ZNF804B: variants seen among roughly 807,000 people sequenced by gnomAD.
ZNF804B encodes zinc finger protein 804B, also known as zinc finger 804B.
In ZNF804B, 80 loss-of-function variants were observed where a neutral mutation model predicts 101.4. That is an observed-to-expected ratio of 0.79 (90% CI 0.66 to 0.95). ZNF804B has a LOEUF of 0.95. ZNF804B is among the 40% of genes least tolerant of loss of function. ZNF804B has a pLI of 0.00. For missense variants in ZNF804B, 1,673 were observed against 1,561.9 expected (o/e 1.07, Z -1.20); for synonymous variants, 622 against 558.8 (o/e 1.11, Z -1.59).
At chr7:89,229,108 C>T (rs573894814) in intron 2 of ZNF804B, among the ~76,000 whole-genome samples, 44 of 152,334 alleles carry the variant, frequency 2.9e-4, no homozygotes, top group African/African-American at 1.1e-3. Context: ...CCGCGCCTCT[C>T]CCTCCACACC....
At chr7:89,247,567 A>T (rs955106393) in intron 2 of ZNF804B, among the ~76,000 whole-genome samples, 1 of 152,292 alleles carries the variant, frequency 6.6e-6, no homozygotes, top group African/African-American at 2.4e-5. Flanking sequence ...GGAAATAAAA[A>T]AATAATAATA....
chr7:89,296,217 C>G (rs532965325), intron 2 of ZNF804B, among the ~76,000 whole-genome samples: 1 of 151,974 alleles, frequency 6.6e-6, no homozygotes, highest in Admixed American at 6.5e-5. Context: ...ACTAAACTTC[C>G]TTGTTAAATA....
chr7:89,094,225 T>G (rs1789937574), intron 1 of ZNF804B, among the ~76,000 whole-genome samples: 1 of 152,248 alleles, frequency 6.6e-6, no homozygotes. Flanking sequence ...ACAAAGATTT[T>G]ACTTTGTTGA....
intron 1 of ZNF804B, chr7:88,794,741 A>T (rs1790449539): frequency 6.2e-7 from 1 of 1,613,542 alleles, no homozygotes; most frequent in Admixed American, 1.7e-5. Context: ...TGTTCATAGT[A>T]GTCAGCAACA....
At chr7:89,170,673 T>C (rs113887456) in intron 1 of ZNF804B, among the ~76,000 whole-genome samples, 461 of 152,264 alleles carry the variant, frequency 3.0e-3, no homozygotes, top group Non-Finnish European at 5.5e-3. Context: ...GTTTATTTGG[T>C]TTTCCCTGAG....
At chr7:89,028,155 A>AAT (rs1271063012) in intron 1 of ZNF804B, among the ~76,000 whole-genome samples, 1 of 152,170 alleles carries the variant, frequency 6.6e-6, no homozygotes, top group Non-Finnish European at 1.5e-5. Context: ...ATATTTTTAA[A>AAT]ATGTCAATAT....
At position 89,336,483 on chromosome 7, in the gene ZNF804B, G is replaced by C; in HGVS notation, c.3501G>C (p.Gln1167His). ...AGATCCTACAGCTACAAGCCCAGCA[G>C]CATATGCAGAAGCAACTCCTATCAA... ...KYKILQLQAQ[Q>H]HMQKQLLSKH... The change falls in exon 4 of 4, where the codon CAG (glutamine) becomes CAC (histidine). Residue 1167 changes from glutamine (Q) to histidine (H), a missense_variant. Transcript: ENST00000333190. 1.9e-6 allele frequency: 3 copies of C among 1,614,082 alleles called. No individual in the cohort carries two copies. The highest frequency in any genetic ancestry group is 2.5e-6 in the Non-Finnish European group (3 of 1,180,020).
At chr7:89,323,695 A>G (rs1790852679) in intron 2 of ZNF804B, among the ~76,000 whole-genome samples, 1 of 152,140 alleles carries the variant, frequency 6.6e-6, no homozygotes, top group Admixed American at 6.6e-5. Context: ...CTGTAAGGTA[A>G]TAAAGCAGAT....
chr7:89,241,813 T>C (rs1320867676), intron 2 of ZNF804B, among the ~76,000 whole-genome samples: 1 of 151,964 alleles, frequency 6.6e-6, no homozygotes, highest in Non-Finnish European at 1.5e-5. Flanking sequence ...TTTTTTTTTT[T>C]TTCTGCAGTC....
chr7:89,000,170 C>T lies in ZNF804B; in HGVS notation c.109-217985C>T, dbSNP rs934898834. ...TAAATATCCTTTAACTGGTTCTGTC[C>T]TAATTCAAAGTATTTTCATGTACTG... On this transcript the variant is annotated intron_variant, in intron 1 of 3. Transcript: ENST00000333190. Among the ~76,000 whole-genome samples the T allele has an allele frequency of 2.6e-4, 40 of 151,996 alleles. 1 individual carries two copies. The highest frequency in any genetic ancestry group is 9.4e-4 in the African/African-American group (39 of 41,512).
At chr7:89,000,418 G>C (rs192977678) in intron 1 of ZNF804B, among the ~76,000 whole-genome samples, 1 of 151,858 alleles carries the variant, frequency 6.6e-6, no homozygotes, top group African/African-American at 2.4e-5. Flanking sequence ...AGTACATCAG[G>C]TGTTTACTTA....
intron 1 of ZNF804B, among the ~76,000 whole-genome samples, chr7:88,860,743 A>G (rs1342086676): frequency 6.6e-6 from 1 of 152,170 alleles, no homozygotes; most frequent in Non-Finnish European, 1.5e-5. Context: ...GAAAAAAGTT[A>G]GGCACTACAT....
chr7:89,061,868 C>T (rs926916786), intron 1 of ZNF804B, among the ~76,000 whole-genome samples: 1 of 152,086 alleles, frequency 6.6e-6, no homozygotes, highest in Non-Finnish European at 1.5e-5. Context: ...TTAACTTTAT[C>T]TTCTCGTCTC....
At chr7:89,000,684 A>G (rs1246820416) in intron 1 of ZNF804B, among the ~76,000 whole-genome samples, 2 of 151,664 alleles carry the variant, frequency 1.3e-5, no homozygotes, top group Non-Finnish European at 2.9e-5. Flanking sequence ...GTCTGTTTCA[A>G]TGAGTATAAC....
chr7:89,147,085 A>T (rs1007517293), intron 1 of ZNF804B, among the ~76,000 whole-genome samples: 1 of 147,710 alleles, frequency 6.8e-6, no homozygotes, highest in Non-Finnish European at 1.5e-5. Context: ...ATAATCAGGT[A>T]TATATATATA....
At chr7:88,950,450 A>C (rs1275857984) in intron 1 of ZNF804B, among the ~76,000 whole-genome samples, 3 of 149,306 alleles carry the variant, frequency 2.0e-5, no homozygotes, top group Non-Finnish European at 4.5e-5. Context: ...TTGCATTGAG[A>C]GATAACAGTC....
At chr7:89,249,064 C>T (rs1175752091) in intron 2 of ZNF804B, among the ~76,000 whole-genome samples, 4 of 144,612 alleles carry the variant, frequency 2.8e-5, no homozygotes, top group Non-Finnish European at 6.0e-5. Context: ...AAGGGCATTA[C>T]ATAATAAAGT....
chr7:89,119,557 A>G (rs941978455), intron 1 of ZNF804B, among the ~76,000 whole-genome samples: 3 of 152,180 alleles, frequency 2.0e-5, no homozygotes, highest in Non-Finnish European at 4.4e-5. Context: ...AAAATTATTC[A>G]CCCAAGGACT....
intron 1 of ZNF804B, among the ~76,000 whole-genome samples, chr7:88,843,433 T>C (rs2115810041): frequency 6.6e-6 from 1 of 152,226 alleles, no homozygotes; most frequent in Admixed American, 6.5e-5. Context: ...AAGAGTAGAA[T>C]AAATAATTAA....
Sources: gnomAD v4.1 joint callset for allele counts (sites outside exome capture counted in the v4.1 genomes callset) on GRCh38, gnomAD v4.1.1 for gene constraint, MANE v1.5 for transcripts, NCBI Gene and HGNC (gene_info 2026-07-23, HGNC 2026-07-21) for gene names.